Variants in INSR observed in about 807,000 individuals in gnomAD.
INSR encodes IR.
Under a neutral mutation model 142.6 loss-of-function variants are expected in INSR, and 67 were observed. The ratio of observed to expected loss-of-function variants is 0.47; its 90% confidence interval spans 0.39 to 0.58. The LOEUF is 0.58. Among genes scored for constraint, INSR ranks in the 20% least tolerant of loss-of-function variants. The pLI, the probability that INSR is intolerant of heterozygous loss-of-function variation, is 0.00. For synonymous variants in INSR, 756 were observed against 743.1 expected (o/e 1.02, Z -0.28); for missense variants, 1,248 against 1,833.2 (o/e 0.68, Z 5.83).
At chr19:7,257,702 G>A (rs1187315385) in intron 2 of INSR, among the ~76,000 whole-genome samples, 3 of 151,910 alleles carry the variant, frequency 2.0e-5, no homozygotes, top group African/African-American at 4.8e-5. Flanking sequence ...GAAAGAAAAG[G>A]AAAGAAAGGA....
intron 15 of INSR, 81 bp from the exon 16 acceptor site, chr19:7,126,732 G>C (rs999259992): frequency 4.8e-6 from 6 of 1,254,982 alleles, no homozygotes; most frequent in Non-Finnish European, 5.7e-6. Flanking sequence ...GACTCCCCAA[G>C]GCAAATGGCA....
At chr19:7,139,968 T>C (rs922417512) in intron 13 of INSR, among the ~76,000 whole-genome samples, 3 of 152,058 alleles carry the variant, frequency 2.0e-5, no homozygotes, top group Non-Finnish European at 2.9e-5. Flanking sequence ...GCTGGGATTA[T>C]AGGCGCCCAC....
At chr19:7,163,458 G>T (rs890621451) in intron 8 of INSR, among the ~76,000 whole-genome samples, 1 of 152,034 alleles carries the variant, frequency 6.6e-6, no homozygotes, top group African/African-American at 2.4e-5. Flanking sequence ...TACTTGGGAG[G>T]CTGAGGCAGG....
In INSR at chr19:7,163,188, G is replaced by C. The variant is rs1269686373; in HGVS notation, c.1873C>G (p.Pro625Ala). ...TTAGACACTGAGATTGGATCCAGGGGCACAGAGGGGTCTGTCAGGGAGAAA... is the reference window on the plus strand; with the variant it reads ...TTAGACACTGAGATTGGATCCAGGGCCACAGAGGGGTCTGTCAGGGAGAAA... ...VQTDATNPSV[P>A]LDPISVSNSS... The change falls in exon 9 of 22, where the codon CCC becomes GCC. Residue 625 changes from proline to alanine, a missense_variant. Transcript: ENST00000302850. 6.2e-7 allele frequency: 1 copy of C among 1,613,248 alleles called. No individual in the cohort carries two copies. Among genetic ancestry groups the C allele is most frequent in the Non-Finnish European group, 8.5e-7 (1 of 1,179,404 alleles).
rs1007395767 is a variant in INSR at position 7,288,083 on chromosome 19, G to A, written c.100+5709C>T. On this transcript the variant is annotated intron_variant, in intron 1 of 21. Transcript: ENST00000302850. The stretch of plus-strand genomic sequence containing the variant: ...ATCTATGTAAATTTCTTAGCTGGGC[G>A]CAATGGTTCCTCATGCCTATAATCC... 4.6e-5 allele frequency among the ~76,000 whole-genome samples: 7 copies of A among 152,000 alleles called. 1 individual carries two copies. The highest frequency in any genetic ancestry group is 2.1e-4 in the South Asian group (1 of 4,824).
At chr19:7,247,679 G>A (rs1377785498) in intron 2 of INSR, among the ~76,000 whole-genome samples, 1 of 152,124 alleles carries the variant, frequency 6.6e-6, no homozygotes, top group Non-Finnish European at 1.5e-5. Context: ...CATGATAGAA[G>A]AAAAAACAGA....
intron 1 of INSR, among the ~76,000 whole-genome samples, chr19:7,282,972 C>CA (rs1968248606): frequency 2.6e-5 from 2 of 77,816 alleles, no homozygotes; most frequent in Non-Finnish European, 6.1e-5. Flanking sequence ...GACTCCGCCT[C>CA]AAAAAAAGTA....
At chr19:7,224,766 G>A (rs1975728990) in intron 2 of INSR, among the ~76,000 whole-genome samples, 1 of 152,166 alleles carries the variant, frequency 6.6e-6, no homozygotes, top group Admixed American at 6.6e-5. Context: ...AGACAGTCCT[G>A]GCTAACCAAT....
chr19:7,132,426 A>C, intron 13 of INSR, 109 bp from the exon 14 acceptor site: 1 of 1,250,114 alleles, frequency 8.0e-7, no homozygotes, highest in African/African-American at 1.5e-5. Context: ...AATGACGCCA[A>C]GGCAGCAAAG....
rs1973897008 is a variant in INSR, at chr19:7,166,609, G to A, written c.1611-205C>T. Among the ~76,000 whole-genome samples the A allele has an allele frequency of 6.6e-6, 1 of 152,172 alleles. No individual in the cohort carries two copies. Among genetic ancestry groups the A allele is most frequent in the African/African-American group, 2.4e-5 (1 of 41,462 alleles). ...ATCTCAATGAAAAAACACAGCTTGG[G>A]CATCCCTTATTCAAAACACTTGAGA... On this transcript the variant is annotated intron_variant, in intron 7 of 21. Coordinates refer to ENST00000302850, the MANE Select transcript of INSR (RefSeq NM_000208.4). This position sits in a 1 kb window ranked among gnomAD's most constrained non-coding sequence, Gnocchi z 4.1.
rs996486394 is a variant in INSR, at chr19:7,126,706, A to G, written c.2946-55T>C. ...TGAGATTCTCATGGGACTCTGCAGA[A>G]AGGTGTTTCATACAAGACTCCCCAA... On this transcript the variant is annotated intron_variant, in intron 15 of 21. Coordinates refer to ENST00000302850, the MANE Select transcript of INSR (RefSeq NM_000208.4). 3.9e-5 allele frequency: 59 copies of G among 1,500,036 alleles called. No homozygotes were observed. In the Admixed American group the frequency reaches 1.0e-3, roughly 26 times the overall value. The allele number at this position is 1,500,036 out of a possible 1,614,324, so 92.9% of individuals were successfully genotyped here.
intron 2 of INSR, among the ~76,000 whole-genome samples, chr19:7,261,418 T>A (rs1255328002): frequency 6.6e-6 from 1 of 152,198 alleles, no homozygotes; most frequent in Non-Finnish European, 1.5e-5. Context: ...ATTGGACCTC[T>A]CCTGGTATCT....
At chr19:7,217,744 A>T (rs1264805006) in intron 2 of INSR, among the ~76,000 whole-genome samples, 2 of 152,160 alleles carry the variant, frequency 1.3e-5, no homozygotes, top group East Asian at 3.9e-4. Flanking sequence ...TATTTTTAGT[A>T]GAGACGGGGT....
chr19:7,123,055 C>G (rs1330874782), intron 17 of INSR, 66 bp from the exon 18 acceptor site: 1 of 1,182,020 alleles, frequency 8.5e-7, no homozygotes, highest in Non-Finnish European at 1.2e-6. Context: ...GGTTCTCCTC[C>G]CTCCCTGGTG....
intron 2 of INSR, among the ~76,000 whole-genome samples, chr19:7,255,627 G>C (rs915951670): frequency 4.6e-5 from 7 of 151,018 alleles, no homozygotes; most frequent in African/African-American, 1.7e-4. Flanking sequence ...ACCCAGGCTG[G>C]GGTACAGTGG....
chr19:7,192,249 G>GAAGAA lies in INSR; in HGVS notation c.653-7617_653-7613dup, dbSNP rs146673661. On this transcript the variant is annotated intron_variant, in intron 2 of 21. Transcript: ENST00000302850. This position sits in a 1 kb window ranked among gnomAD's most constrained non-coding sequence, Gnocchi z 4.2. Reference sequence around the variant, plus strand: ...AAGAGAAAGAAGGAAGGGAGGGAGGGAAGAAAAGAAAAGAAAAGAAAAGAA... The same window carrying GAAGAA: ...AAGAGAAAGAAGGAAGGGAGGGAGGGAAGAAAAGAAAAGAAAAGAAAAGAAAAGAA... Among the ~76,000 whole-genome samples the GAAGAA allele has an allele frequency of 0.064, 7,455 of 117,004 alleles. 251 individuals are homozygous for GAAGAA. Among genetic ancestry groups the GAAGAA allele is most frequent in the Middle Eastern group, 0.078 (19 of 244 alleles). 76.8% of individuals were successfully genotyped at this position (117,004 alleles called of 152,430 possible).
chr19:7,180,529 C>CAAAGAAA lies in INSR; in HGVS notation c.974+3786_974+3787insTTTCTTT, dbSNP rs1389502002. ...TGGGTGACAGACCAAGACCTTGTCTCAAAAAAAAAAAAAAAAGACAAAAAT... is the reference window on the plus strand; with the variant it reads ...TGGGTGACAGACCAAGACCTTGTCTCAAAGAAAAAAAAAAAAAAAAAAAGACAAAAAT... On this transcript the variant is annotated intron_variant, in intron 3 of 21. Transcript: ENST00000302850. 3.3e-5 allele frequency among the ~76,000 whole-genome samples: 3 copies of CAAAGAAA among 91,908 alleles called. No homozygotes were observed. The East Asian group carries it at 8.7e-4, about 27-fold the overall frequency. The allele number at this position is 91,908 out of a possible 152,430, so 60.3% of individuals were successfully genotyped here.
At chr19:7,183,947 T>A (rs1974341844) in intron 3 of INSR, among the ~76,000 whole-genome samples, 1 of 151,676 alleles carries the variant, frequency 6.6e-6, no homozygotes, top group Non-Finnish European at 1.5e-5. Context: ...CAGTCCCAGC[T>A]GCTTGGGAGG....
intron 2 of INSR, among the ~76,000 whole-genome samples, chr19:7,185,209 T>C (rs1312412723): frequency 6.6e-6 from 1 of 152,222 alleles, no homozygotes; most frequent in Non-Finnish European, 1.5e-5. Flanking sequence ...GTAATTTGTT[T>C]AACTGTAGGT....
Sources: allele counts gnomAD v4.1 joint callset (sites outside exome capture counted in the v4.1 genomes callset), GRCh38; gene constraint gnomAD v4.1.1; non-coding constraint Gnocchi (gnomAD v3.1); transcripts MANE v1.5; gene names NCBI Gene and HGNC (gene_info 2026-07-23, HGNC 2026-07-21).